Variants in AUTS2 observed in about 807,000 individuals in gnomAD.
AUTS2 encodes the protein activator of transcription and developmental regulator AUTS2.
AUTS2 carries 17 observed loss-of-function variants against 112.4 expected under a neutral mutation model. The ratio of observed to expected loss-of-function variants is 0.15; its 90% CI spans 0.10 to 0.23. The LOEUF (loss-of-function observed/expected upper bound fraction) is 0.23, where lower values mean the gene tolerates loss of function less well. AUTS2 is among the 10% of genes least tolerant of loss of function. AUTS2 has a pLI of 1.00. For synonymous variants in AUTS2, 751 were observed against 702.7 expected (o/e 1.07, Z -1.09); for missense variants, 1,510 against 1,701.6 (o/e 0.89, Z 1.98).
intron 5 of AUTS2, among the ~76,000 whole-genome samples, chr7:70,481,727 T>C (rs925061413): frequency 3.9e-5 from 6 of 152,196 alleles, no homozygotes; most frequent in African/African-American, 1.4e-4. Context: ...TCTAATAGGA[T>C]TAAGTGTTTG....
chr7:70,090,624 G>A (rs137956394), intron 2 of AUTS2, among the ~76,000 whole-genome samples: 1 of 150,392 alleles, frequency 6.6e-6, no homozygotes, highest in Non-Finnish European at 1.5e-5. Flanking sequence ...TCTTTACATA[G>A]ATGCATTTCT....
At chr7:69,928,658 A>C (rs1584456263) in intron 2 of AUTS2, among the ~76,000 whole-genome samples, 2 of 152,258 alleles carry the variant, frequency 1.3e-5, no homozygotes, top group Non-Finnish European at 2.9e-5. Flanking sequence ...TTAGGCACCG[A>C]GAGAGCAGGG....
intron 1 of AUTS2, among the ~76,000 whole-genome samples, chr7:69,650,285 G>A (rs1342672515): frequency 6.6e-6 from 1 of 152,122 alleles, no homozygotes; most frequent in African/African-American, 2.4e-5. Context: ...GGCCTTCTTT[G>A]TACTCTTTCT....
At chr7:69,694,508 G>A (rs1219922867) in intron 1 of AUTS2, among the ~76,000 whole-genome samples, 1 of 152,166 alleles carries the variant, frequency 6.6e-6, no homozygotes, top group Non-Finnish European at 1.5e-5. Context: ...GCCAGCCATG[G>A]TGGCTCACAC....
chr7:69,996,228 A>C (rs1247635361), intron 2 of AUTS2, among the ~76,000 whole-genome samples: 1 of 152,104 alleles, frequency 6.6e-6, no homozygotes, highest in African/African-American at 2.4e-5. Context: ...AAATTTGCAA[A>C]ACACAGTGCA....
chr7:70,450,320 G>C (rs1307070902), intron 5 of AUTS2, among the ~76,000 whole-genome samples: 1 of 152,206 alleles, frequency 6.6e-6, no homozygotes, highest in African/African-American at 2.4e-5. Context: ...CTGAGGAATG[G>C]CATGATGTCT....
chr7:69,620,343 C>T (rs1400251057), intron 1 of AUTS2, among the ~76,000 whole-genome samples: 1 of 152,190 alleles, frequency 6.6e-6, no homozygotes, highest in Non-Finnish European at 1.5e-5. Flanking sequence ...TACAGTCTTC[C>T]ACAGCTGTCC....
chr7:70,766,466 G>A lies in AUTS2; in HGVS notation c.1689+132G>A, dbSNP rs1353118699. The A allele has an allele frequency of 5.0e-6, 6 of 1,207,424 alleles. No individual in the cohort carries two copies. Among genetic ancestry groups the A allele is most frequent in the African/African-American group, 3.0e-5 (2 of 67,144 alleles). The allele number at this position is 1,207,424 out of a possible 1,614,324, so 74.8% of individuals were successfully genotyped here. ...ACTGACGGCTGTTGGCTGGAGAGAA[G>A]GGAATGTGTCCTAGTGCCCTGCCTC... On this transcript the variant is annotated intron_variant, in intron 9 of 18. Coordinates refer to ENST00000342771, the MANE Select transcript of AUTS2 (RefSeq NM_015570.4). The surrounding 1 kb of genome is among the most constrained non-coding windows in gnomAD (Gnocchi z 4.8).
At chr7:70,382,118 G>T (rs1232186491) in intron 4 of AUTS2, among the ~76,000 whole-genome samples, 2 of 152,128 alleles carry the variant, frequency 1.3e-5, no homozygotes, top group African/African-American at 4.8e-5. Context: ...AGTGTCTCAA[G>T]CTCAACGTGT....
At chr7:69,674,116 T>C (rs906666594) in intron 1 of AUTS2, among the ~76,000 whole-genome samples, 18 of 152,300 alleles carry the variant, frequency 1.2e-4, no homozygotes, top group South Asian at 4.1e-4. Flanking sequence ...GGGACAAGCC[T>C]CCCAGTGTGT....
intron 6 of AUTS2, among the ~76,000 whole-genome samples, chr7:70,721,306 G>GTA (rs1240663289): frequency 1.3e-5 from 2 of 151,440 alleles, no homozygotes; most frequent in African/African-American, 4.9e-5. Flanking sequence ...GTGTGTGTGT[G>GTA]TGTGTGTTTC....
chr7:70,686,282 T>G (rs1426335200), intron 5 of AUTS2, among the ~76,000 whole-genome samples: 1 of 152,196 alleles, frequency 6.6e-6, no homozygotes, highest in Non-Finnish European at 1.5e-5. Context: ...TTTACATACA[T>G]GAATTCATTT....
chr7:70,405,612 G>A (rs922070332), intron 4 of AUTS2, among the ~76,000 whole-genome samples: 1 of 152,152 alleles, frequency 6.6e-6, no homozygotes, highest in African/African-American at 2.4e-5. Context: ...TCGATAAAGC[G>A]TGGTTGACAA....
At chr7:69,942,232 A>G (rs1446487959) in intron 2 of AUTS2, among the ~76,000 whole-genome samples, 1 of 152,208 alleles carries the variant, frequency 6.6e-6, no homozygotes, top group Non-Finnish European at 1.5e-5. Context: ...GTTCTCAGCT[A>G]CAGCCCAGCA....
At chr7:69,984,869 A>C (rs1237455672) in intron 2 of AUTS2, among the ~76,000 whole-genome samples, 2 of 152,184 alleles carry the variant, frequency 1.3e-5, no homozygotes, top group Non-Finnish European at 2.9e-5. Context: ...GGGGCTGGGC[A>C]ACTTCTGTCA....
rs17140757 is a variant in AUTS2 at position 69,654,175 on chromosome 7, G to A, written c.309+54213G>A. Among the ~76,000 whole-genome samples the A allele has an allele frequency of 1.9e-3, 288 of 152,254 alleles. 1 individual carries two copies. Among genetic ancestry groups the A allele is most frequent in the African/African-American group, 6.6e-3 (276 of 41,530 alleles). On this transcript the variant is annotated intron_variant, in intron 1 of 18. Coordinates refer to ENST00000342771, the MANE Select transcript of AUTS2 (RefSeq NM_015570.4). Reference sequence around the variant, plus strand: ...CTTTTCTTGCCCAATTTGCCAGGAAGAGTCCACCAATTCTTCATAAGCCCA... The same window carrying A: ...CTTTTCTTGCCCAATTTGCCAGGAAAAGTCCACCAATTCTTCATAAGCCCA...
chr7:70,704,268 TC>T (rs1809619457), intron 6 of AUTS2, among the ~76,000 whole-genome samples: 1 of 152,180 alleles, frequency 6.6e-6, no homozygotes, highest in Admixed American at 6.5e-5. Context: ...GGTGGAAGAT[TC>T]CAGGCATTCG....
At chr7:69,841,574 C>T (rs976670219) in intron 1 of AUTS2, among the ~76,000 whole-genome samples, 1 of 152,154 alleles carries the variant, frequency 6.6e-6, no homozygotes, top group Non-Finnish European at 1.5e-5. Context: ...AATTAATCCA[C>T]ACCAGGAAGA....
intron 4 of AUTS2, among the ~76,000 whole-genome samples, chr7:70,232,160 G>C (rs1284417413): frequency 1.3e-5 from 2 of 152,052 alleles, no homozygotes; most frequent in Non-Finnish European, 2.9e-5. Context: ...ACTCAACATA[G>C]TAACTTTTGA....
Sources: gnomAD v4.1 joint callset for allele counts (sites outside exome capture counted in the v4.1 genomes callset) on GRCh38, gnomAD v4.1.1 for gene constraint, Gnocchi (gnomAD v3.1) non-coding constraint, MANE v1.5 for transcripts, NCBI Gene and HGNC (gene_info 2026-07-23, HGNC 2026-07-21) for gene names.